BTRC: variants seen among roughly 807,000 people sequenced by gnomAD.
BTRC encodes F-box/WD repeat-containing protein 1A.
In BTRC, 42 loss-of-function variants were observed where a neutral mutation model predicts 85.5. The ratio of observed to expected loss-of-function variants is 0.49; its 90% CI spans 0.38 to 0.64. The LOEUF (loss-of-function observed/expected upper bound fraction) is 0.64, where lower values mean the gene tolerates loss of function less well. Ranked by LOEUF, BTRC falls within the 30% of genes least tolerant of loss-of-function variation. The pLI is 0.00. For synonymous variants in BTRC, 255 were observed against 263.3 expected, an observed-to-expected ratio of 0.97 and a Z score of 0.30; for missense variants, 594 against 743.5, an observed-to-expected ratio of 0.80 and a Z score of 2.34.
At chr10:101,509,899 G>A (rs1946656012) in intron 4 of BTRC, among the ~76,000 whole-genome samples, 1 of 151,724 alleles carries the variant, frequency 6.6e-6, no homozygotes, top group Non-Finnish European at 1.5e-5. Context: ...CGGGTGCGAT[G>A]GCTCATGCCT....
chr10:101,535,283 A>G, intron 10 of BTRC, 71 bp from the exon 11 acceptor site: 1 of 1,158,090 alleles, frequency 8.6e-7, no homozygotes, highest in Non-Finnish European at 1.3e-6. Flanking sequence ...TGCTTCTCTA[A>G]GACTCCATTT....
At chr10:101,392,693 G>T (rs182732508) in intron 1 of BTRC, among the ~76,000 whole-genome samples, 6 of 151,800 alleles carry the variant, frequency 4.0e-5, no homozygotes, top group African/African-American at 9.7e-5. Flanking sequence ...GTAGAGACAG[G>T]GTTTCACCAT....
chr10:101,434,822 C>T (rs898315726), intron 2 of BTRC, among the ~76,000 whole-genome samples: 7 of 150,610 alleles, frequency 4.6e-5, no homozygotes, highest in African/African-American at 9.7e-5. Context: ...TTAGTAGAGA[C>T]GGGGTTTCAG....
chr10:101,490,279 C>T (rs1190174561), intron 4 of BTRC, among the ~76,000 whole-genome samples: 1 of 151,456 alleles, frequency 6.6e-6, no homozygotes, highest in Admixed American at 6.6e-5. Context: ...CTTCTTCCTT[C>T]CTTCCTTTTC....
chr10:101,506,650 C>G (rs546422514), intron 4 of BTRC, among the ~76,000 whole-genome samples: 1 of 152,274 alleles, frequency 6.6e-6, no homozygotes, highest in Non-Finnish European at 1.5e-5. Context: ...ATTCCAAGCT[C>G]AGATTCAAAA....
At chr10:101,431,310 C>T (rs1220692633) in intron 2 of BTRC, among the ~76,000 whole-genome samples, 3 of 151,996 alleles carry the variant, frequency 2.0e-5, no homozygotes, top group Admixed American at 6.6e-5. Context: ...CTCCTGACCT[C>T]AGGTAATCCA....
chr10:101,378,626 G>A (rs1942851581), intron 1 of BTRC, among the ~76,000 whole-genome samples: 2 of 149,932 alleles, frequency 1.3e-5, no homozygotes, highest in South Asian at 4.2e-4. Context: ...CCATGTTCAA[G>A]CGATTCTCCT....
intron 4 of BTRC, among the ~76,000 whole-genome samples, chr10:101,505,954 G>A (rs1015548038): frequency 3.4e-5 from 5 of 149,230 alleles, no homozygotes; most frequent in African/African-American, 4.9e-5. Context: ...TCGCTGTGTC[G>A]CCCAGGCTGG....
In BTRC at chr10:101,532,991, A is replaced by T; in HGVS notation, c.1018A>T (p.Thr340Ser). The T allele has an allele frequency of 1.2e-6, 2 of 1,613,416 alleles. No individual in the cohort carries two copies. Among genetic ancestry groups the T allele is most frequent in the Non-Finnish European group, 1.7e-6 (2 of 1,179,638 alleles). Reference protein sequence around the residue: ...KNTLECKRILTGHTGSVLCLQ... With the variant: ...KNTLECKRILSGHTGSVLCLQ... Reference sequence around the variant, plus strand: ...CACATTGGAATGCAAGCGAATTCTCACAGGCCATACAGGTTCAGTCCTCTG... The same window carrying T: ...CACATTGGAATGCAAGCGAATTCTCTCAGGCCATACAGGTTCAGTCCTCTG... The change falls in exon 9 of 15, where the codon ACA (threonine) becomes TCA (serine). Residue 340 changes from threonine (T) to serine (S), a missense_variant. Thr to Ser is a moderately conservative substitution (Grantham distance 58). This residue lies in a region of BTRC where 373 missense variants were observed against 503.6 expected (regional missense o/e 0.74). Coordinates refer to ENST00000370187, the MANE Select transcript of BTRC (RefSeq NM_033637.4).
intron 1 of BTRC, among the ~76,000 whole-genome samples, chr10:101,377,222 A>G (rs971595518): frequency 2.0e-5 from 3 of 152,172 alleles, no homozygotes; most frequent in Admixed American, 2.0e-4. Flanking sequence ...ATGTTTTTGC[A>G]TGTATCAGGA....
intron 11 of BTRC, 134 bp from the exon 12 acceptor site, chr10:101,536,409 C>A: frequency 1.8e-6 from 1 of 565,520 alleles, no homozygotes; most frequent in Admixed American, 3.0e-5. Context: ...ACATTGAAAG[C>A]AGTACATATC....
At chr10:101,362,112 C>T (rs545309973) in intron 1 of BTRC, among the ~76,000 whole-genome samples, 2 of 152,048 alleles carry the variant, frequency 1.3e-5, no homozygotes, top group South Asian at 4.2e-4. Context: ...AGGCACGTAC[C>T]ACCACACCCA....
chr10:101,449,346 C>T (rs951488668), intron 2 of BTRC, among the ~76,000 whole-genome samples: 6 of 152,016 alleles, frequency 3.9e-5, no homozygotes, highest in African/African-American at 1.4e-4. Context: ...AGAATTTTGT[C>T]ATACGTCCTA....
At chr10:101,441,394 A>G (rs895628796) in intron 2 of BTRC, among the ~76,000 whole-genome samples, 7 of 152,230 alleles carry the variant, frequency 4.6e-5, no homozygotes, top group African/African-American at 1.7e-4. Context: ...ACATCAGTGT[A>G]TTCATAGAAC....
intron 11 of BTRC, 51 bp from the exon 12 acceptor site, chr10:101,536,492 G>A (rs2062387657): frequency 7.2e-7 from 1 of 1,391,522 alleles, no homozygotes; most frequent in African/African-American, 1.4e-5. Flanking sequence ...TAACATTCCA[G>A]GCTTAGAAAA....
chr10:101,522,391 C>T (rs1353160235), intron 5 of BTRC, among the ~76,000 whole-genome samples: 2 of 67,970 alleles, frequency 2.9e-5, no homozygotes, highest in Non-Finnish European at 6.2e-5. Context: ...AAAAAAAAAA[C>T]TCTAGAAATA....
chr10:101,360,439 T>C (rs1344459309), intron 1 of BTRC, among the ~76,000 whole-genome samples: 1 of 147,526 alleles, frequency 6.8e-6, no homozygotes, highest in Admixed American at 7.0e-5. Flanking sequence ...AATGGCACGA[T>C]CTCAACTCAC....
rs552420465 is a variant in BTRC at position 101,464,399 on chromosome 10, A to T, written c.234+2341A>T. ...TGATTCATTTTAAAAATAAATGCAT[A>T]CATTATTGAATCATTTTCTACTTGC... On this transcript the variant is annotated intron_variant, in intron 3 of 14. Transcript: ENST00000370187. 2.0e-5 allele frequency among the ~76,000 whole-genome samples: 3 copies of T among 152,354 alleles called. No individual in the cohort carries two copies. The East Asian group carries it at 5.8e-4, about 29-fold the overall frequency.
intron 1 of BTRC, among the ~76,000 whole-genome samples, chr10:101,415,187 CTTT>C (rs34533236): frequency 6.6e-6 from 1 of 150,412 alleles, no homozygotes; most frequent in South Asian, 2.1e-4. Flanking sequence ...ATCTTTTTGT[CTTT>C]TTTTTTGAGA....
Sources: allele counts gnomAD v4.1 joint callset (sites outside exome capture counted in the v4.1 genomes callset), GRCh38; gene constraint gnomAD v4.1.1; regional missense constraint gnomAD v4.1.1; transcripts MANE v1.5; gene names NCBI Gene and HGNC (gene_info 2026-07-23, HGNC 2026-07-21).